The following ADCY9 variants were observed in gnomAD, a reference collection of about 807,000 sequenced individuals.
ADCY9 encodes adenylate cyclase type 9.
A neutral mutation model predicts 101.5 loss-of-function variants in ADCY9; 50 were observed. That is an observed-to-expected ratio of 0.49 (90% CI 0.39 to 0.62). The LOEUF (loss-of-function observed/expected upper bound fraction) is 0.62. ADCY9 is among the 20% of genes least tolerant of loss of function. The probability of loss-of-function intolerance (pLI) is 0.00; values close to 1 mark genes in which losing one functional copy is unlikely to be tolerated. For missense variants in ADCY9, 1,662 were observed against 1,800.4 expected (o/e 0.92, Z 1.39); for synonymous variants, 905 against 769.3 (o/e 1.18, Z -2.92).
chr16:4,069,675 C>G (rs1225510945), intron 2 of ADCY9, among the ~76,000 whole-genome samples: 2 of 152,074 alleles, frequency 1.3e-5, no homozygotes, highest in Non-Finnish European at 2.9e-5. Flanking sequence ...ATCTACAGGA[C>G]CATCTTCTAA....
chr16:3,955,246 C>G (rs983163737), intron 5 of ADCY9, among the ~76,000 whole-genome samples: 7 of 151,580 alleles, frequency 4.6e-5, no homozygotes, highest in African/African-American at 1.5e-4. Context: ...GTAGTTGGAC[C>G]AGGCGAGGTG....
At chr16:4,047,838 C>A (rs1028860005) in intron 2 of ADCY9, among the ~76,000 whole-genome samples, 1 of 152,210 alleles carries the variant, frequency 6.6e-6, no homozygotes, top group African/African-American at 2.4e-5. Flanking sequence ...GGATTACAGG[C>A]GTGAGCCACC....
chr16:3,996,378 G>A (rs1466412658), intron 3 of ADCY9, among the ~76,000 whole-genome samples: 1 of 152,072 alleles, frequency 6.6e-6, no homozygotes, highest in African/African-American at 2.4e-5. Flanking sequence ...ATATATATAT[G>A]TATAAATATG....
intron 2 of ADCY9, among the ~76,000 whole-genome samples, chr16:4,023,505 C>G (rs1438370335): frequency 6.6e-6 from 1 of 152,088 alleles, no homozygotes. Context: ...AAAGGACGGT[C>G]CCAGCATGCT....
At chr16:4,106,851 T>A (rs2057080605) in intron 2 of ADCY9, among the ~76,000 whole-genome samples, 1 of 152,216 alleles carries the variant, frequency 6.6e-6, no homozygotes, top group African/African-American at 2.4e-5. Flanking sequence ...ACATAATTAC[T>A]ATCTCACCAA....
chr16:3,965,422 C>A lies in ADCY9; in HGVS notation c.*353G>T. 2 of 289,900 alleles carry A rather than the reference C, an allele frequency of 6.9e-6. No individual in the cohort carries two copies. Among genetic ancestry groups the A allele is most frequent in the Non-Finnish European group, 1.3e-5 (2 of 155,808 alleles). 18.0% of individuals were successfully genotyped at this position (289,900 alleles called of 1,614,324 possible). A position where few individuals can be genotyped will look rare whatever the true frequency, so the allele number is the denominator to read the frequency against. ...TGGGAAAAAGCAATAAAAATGAGATCTTAACCACAGCTTTTGTTCTAAAAG... is the reference window on the plus strand; with the variant it reads ...TGGGAAAAAGCAATAAAAATGAGATATTAACCACAGCTTTTGTTCTAAAAG... On this transcript the variant is annotated 3_prime_UTR_variant, in exon 11 of 11. Coordinates refer to ENST00000294016, the MANE Select transcript of ADCY9 (RefSeq NM_001116.4).
rs577730084 is a variant in ADCY9, at chr16:3,963,157, G to A, written c.*2618C>T. ...ATATATATATATGGATATATAATTC[G>A]ATCTGAGCTGGGACTGAGAAGAAAA... On this transcript the variant is annotated 3_prime_UTR_variant, in exon 11 of 11. Coordinates refer to ENST00000294016, the MANE Select transcript of ADCY9 (RefSeq NM_001116.4). 6 of 194,206 alleles carry A rather than the reference G, an allele frequency of 3.1e-5. No individual in the cohort carries two copies. The highest frequency in any genetic ancestry group is 1.3e-4 in the East Asian group (1 of 7,980). The allele number at this position is 194,206 out of a possible 1,614,324, so 12.0% of individuals were successfully genotyped here. A position where few individuals can be genotyped will look rare whatever the true frequency, so the allele number is the denominator to read the frequency against.
Position 4,114,867 on chromosome 16 carries a change from G to C in ADCY9, c.576C>G (p.Phe192Leu), listed in dbSNP as rs72556392. Residue 192 changes from phenylalanine to leucine, a missense_variant, in exon 2 of 11, where the codon TTC (phenylalanine) becomes TTG (leucine). Transcript: ENST00000294016. The surrounding 1 kb of genome is among the most constrained non-coding windows in gnomAD (Gnocchi z 4.3). ...GTCCTGAGACAGGCGTCAAGACCTGGAACTGCGCAGCCAGGGTCAGGGCGA... is the reference window on the plus strand; with the variant it reads ...GTCCTGAGACAGGCGTCAAGACCTGCAACTGCGCAGCCAGGGTCAGGGCGA... ...LVFALTLAAQ[F>L]QVLTPVSGRG... 1 of 1,613,590 alleles carries C rather than the reference G, an allele frequency of 6.2e-7. No individual in the cohort carries two copies. Among genetic ancestry groups the C allele is most frequent in the Admixed American group, 1.7e-5 (1 of 60,016 alleles).
intron 2 of ADCY9, among the ~76,000 whole-genome samples, chr16:4,017,530 G>A (rs1056483121): frequency 2.8e-4 from 43 of 151,158 alleles, no homozygotes; most frequent in African/African-American, 9.9e-4. Context: ...TGTAATCCCA[G>A]CTACTTGGGA....
At chr16:4,032,373 G>A (rs918987110) in intron 2 of ADCY9, among the ~76,000 whole-genome samples, 5 of 152,178 alleles carry the variant, frequency 3.3e-5, no homozygotes, top group African/African-American at 7.2e-5. Flanking sequence ...GGCCCCCTGC[G>A]GCAGGTGGAG....
At chr16:3,985,210 G>A (rs1159945321) in intron 6 of ADCY9, among the ~76,000 whole-genome samples, 2 of 139,236 alleles carry the variant, frequency 1.4e-5, no homozygotes, top group African/African-American at 5.4e-5. Context: ...CGCGATCTTG[G>A]CTCACTGCAA....
rs1245091537 is a variant in ADCY9, at chr16:3,993,216, G to A, written c.1989+190C>T. On this transcript the variant is annotated intron_variant, in intron 4 of 10. Coordinates refer to ENST00000294016, the MANE Select transcript of ADCY9 (RefSeq NM_001116.4). ...TCAGCCCCTGAGCGCTGGTTTCCACGTGGGTTGCTGCTGACCCTCCCTCGA... is the reference window on the plus strand; with the variant it reads ...TCAGCCCCTGAGCGCTGGTTTCCACATGGGTTGCTGCTGACCCTCCCTCGA... 12 of 972,432 alleles carry A rather than the reference G, an allele frequency of 1.2e-5. No individual in the cohort carries two copies. The South Asian group carries it at 1.8e-4, about 14-fold the overall frequency. The allele number at this position is 972,432 out of a possible 1,614,324, so 60.2% of individuals were successfully genotyped here. A position where few individuals can be genotyped will look rare whatever the true frequency, so the allele number is the denominator to read the frequency against.
chr16:4,020,570 C>G (rs2056468377), intron 2 of ADCY9, among the ~76,000 whole-genome samples: 2 of 152,182 alleles, frequency 1.3e-5, no homozygotes, highest in Admixed American at 1.3e-4. Flanking sequence ...GTCTGTAATC[C>G]CAGCACTTTG....
At chr16:4,090,105 G>A (rs192922952) in intron 2 of ADCY9, among the ~76,000 whole-genome samples, 4 of 152,162 alleles carry the variant, frequency 2.6e-5, no homozygotes, top group Admixed American at 6.5e-5. Flanking sequence ...CTTTTCAGGT[G>A]AACTCATACA....
intron 2 of ADCY9, among the ~76,000 whole-genome samples, chr16:4,112,221 C>T (rs942594160): frequency 3.3e-5 from 5 of 152,186 alleles, no homozygotes; most frequent in Non-Finnish European, 7.4e-5. Flanking sequence ...CCGCCCTAAA[C>T]GGAAAGACAC....
At position 3,954,903 on chromosome 16, in the gene ADCY9, C is replaced by T. The variant is rs551945209; in HGVS notation, c.568-1387G>A. Among the ~76,000 whole-genome samples the T allele has an allele frequency of 3.3e-5, 5 of 152,266 alleles. No homozygotes were observed. The South Asian group carries it at 1.0e-3, about 32-fold the overall frequency. On this transcript the variant is annotated intron_variant, in intron 5 of 5. Coordinates refer to the ADCY9 transcript ENST00000576936. ...GAGGTAGAGGCTGAGGGGGACACGC[C>T]TACATGTCATGCCACAAACTTAGCG... is the stretch of plus-strand genomic sequence containing the variant.
chr16:3,993,756 T>A (rs1311999566), intron 3 of ADCY9, among the ~76,000 whole-genome samples: 1 of 152,120 alleles, frequency 6.6e-6, no homozygotes. Flanking sequence ...GACTGAACAA[T>A]GGATCAACAA....
Position 4,007,516 on chromosome 16 carries a change from G to A in ADCY9, c.1736C>T (p.Ser579Phe), listed in dbSNP as rs778307855. 9 of 1,613,414 alleles carry A rather than the reference G, an allele frequency of 5.6e-6. No homozygotes were observed. Among genetic ancestry groups the A allele is most frequent in the Non-Finnish European group, 7.6e-6 (9 of 1,179,882 alleles). Residue 579 changes from serine (S) to phenylalanine (F), a missense_variant, in exon 3 of 11, where the codon TCT becomes TTT. Physicochemically the swap from Ser to Phe is radical, Grantham distance 155 (BLOSUM62 -2). This residue lies in a region of ADCY9 where 624 missense variants were observed against 639.1 expected (regional missense o/e 0.98). Coordinates refer to ENST00000294016, the MANE Select transcript of ADCY9 (RefSeq NM_001116.4). ...CAAGGCCTCTGCACAGCTGCAGCGAGACTCCTTGGCTCTCTGACCCGATAT... is the reference window on the plus strand; with the variant it reads ...CAAGGCCTCTGCACAGCTGCAGCGAAACTCCTTGGCTCTCTGACCCGATAT... ...YLISGQRAKESRCSCAEALLS... is the reference protein window; with the variant it reads ...YLISGQRAKEFRCSCAEALLS...
intron 7 of ADCY9, among the ~76,000 whole-genome samples, chr16:3,980,757 C>T (rs1052849154): frequency 1.3e-5 from 2 of 152,200 alleles, no homozygotes; most frequent in African/African-American, 4.8e-5. Context: ...CCAAGAATAA[C>T]CACAAATATG....
Sources: allele counts gnomAD v4.1 joint callset (sites outside exome capture counted in the v4.1 genomes callset), GRCh38; gene constraint gnomAD v4.1.1; regional missense constraint gnomAD v4.1.1; non-coding constraint Gnocchi (gnomAD v3.1); transcripts MANE v1.5; gene names NCBI Gene and HGNC (gene_info 2026-07-23, HGNC 2026-07-21).